MAN2B1: variants seen among roughly 807,000 people sequenced by gnomAD.
The protein encoded by MAN2B1 is lysosomal alpha-mannosidase.
A neutral mutation model predicts 127.5 loss-of-function variants in MAN2B1; 99 were observed. That is an observed-to-expected ratio of 0.78 (90% CI 0.66 to 0.92). The LOEUF is 0.92. Among genes scored for constraint, MAN2B1 ranks in the 40% least tolerant of loss-of-function variants. MAN2B1 has a pLI of 0.00. For synonymous variants in MAN2B1, 573 were observed against 568.8 expected, an observed-to-expected ratio of 1.01 and a Z score of -0.11; for missense variants, 1,304 against 1,384.8, an observed-to-expected ratio of 0.94 and a Z score of 0.93.
In MAN2B1 at chr19:12,649,966, C is replaced by T. The variant is rs765753479; in HGVS notation, c.2214G>A (p.Glu738=). 1 of 1,613,902 alleles carries T rather than the reference C, an allele frequency of 6.2e-7. No homozygotes were observed. Among genetic ancestry groups the T allele is most frequent in the Admixed American group, 1.7e-5 (1 of 59,966 alleles). ...TGTCTGTGTAGAAGCGTCCCTTTGT[C>T]TCCAGCGGTGTGTCAAAACGGCTGA... is the stretch of plus-strand genomic sequence containing the variant. The part of the protein sequence containing the change: ...EVISRFDTPL[E]TKGRFYTDSN... The change falls in exon 18 of 24, where the codon GAG becomes GAA. Residue 738 remains glutamate (E), a synonymous_variant. Coordinates refer to ENST00000456935, the MANE Select transcript of MAN2B1 (RefSeq NM_000528.4).
Position 12,647,690 on chromosome 19 carries a change from T to C in MAN2B1, c.2665-92A>G. 9.3e-7 allele frequency: 1 copy of C among 1,079,996 alleles called. No individual in the cohort carries two copies. Among genetic ancestry groups the C allele is most frequent in the South Asian group, 1.5e-5 (1 of 67,268 alleles). 66.9% of individuals were successfully genotyped at this position (1,079,996 alleles called of 1,614,324 possible). ...GCCAGGTCAGGAGGCAGGGCTAGGTTGTAGGGGCGGGGTTTCGCCGGAGAG... is the reference window on the plus strand; with the variant it reads ...GCCAGGTCAGGAGGCAGGGCTAGGTCGTAGGGGCGGGGTTTCGCCGGAGAG... On this transcript the variant is annotated intron_variant, in intron 21 of 23. Transcript: ENST00000456935. This position sits in a 1 kb window ranked among gnomAD's most constrained non-coding sequence, Gnocchi z 4.9.
intron 7 of MAN2B1, among the ~76,000 whole-genome samples, chr19:12,660,273 A>G (rs555115564): frequency 1.3e-5 from 2 of 152,308 alleles, no homozygotes; most frequent in South Asian, 4.1e-4. Flanking sequence ...TGGGAGGCCG[A>G]GCGGGGTGGA....
rs1280928119 is a variant in MAN2B1, at chr19:12,664,912, G to A, written c.510C>T (p.Asp170=). The change falls in exon 4 of 24, where the codon GAC becomes GAT. Residue 170 remains aspartate, a synonymous_variant. Transcript: ENST00000456935. ...GAAAGCGCAGCCCAAGTGTCATCTG[G>A]TCCACGATGGCACCGTAGTGGGTGG... The part of the protein sequence containing the change: ...EAATHYGAIV[D]QMTLGLRFLE... 3.1e-6 allele frequency: 5 copies of A among 1,614,086 alleles called. No individual in the cohort carries two copies. Among genetic ancestry groups the A allele is most frequent in the Non-Finnish European group, 4.2e-6 (5 of 1,180,044 alleles).
chr19:12,647,232 C>T lies in MAN2B1; in HGVS notation c.2923+1G>A, dbSNP rs2023709101. 6.2e-7 allele frequency: 1 copy of T among 1,613,248 alleles called. No homozygotes were observed. Among genetic ancestry groups the T allele is most frequent in the South Asian group, 1.1e-5 (1 of 91,054 alleles). On this transcript the variant is annotated splice_donor_variant, in intron 23 of 23. Coordinates refer to ENST00000456935, the MANE Select transcript of MAN2B1 (RefSeq NM_000528.4). LOFTEE classifies it high-confidence loss of function. This position sits in a 1 kb window ranked among gnomAD's most constrained non-coding sequence, Gnocchi z 4.9. ...TTCCCTACCCCTGACCAGGGCCCCA[C>T]CTGTGTTTGTTGTCCACTTGAGCCT...
In MAN2B1 at chr19:12,666,702, G is replaced by C; in HGVS notation, c.-1C>G. The C allele has an allele frequency of 6.5e-7, 1 of 1,548,690 alleles. No homozygotes were observed. Among genetic ancestry groups the C allele is most frequent in the South Asian group, 1.2e-5 (1 of 84,064 alleles). On this transcript the variant is annotated 5_prime_UTR_variant, in exon 1 of 24. Transcript: ENST00000456935. ...CCGAAGCCCGCGCGTAGGCGCCCAT[G>C]GCTCAGCAGCTTCCTCCTGGGGTTC...
At chr19:12,656,530 G>T (rs546157414) in intron 13 of MAN2B1, 41 bp downstream of exon 13, 5 of 1,416,384 alleles carry the variant, frequency 3.5e-6, no homozygotes, top group South Asian at 1.1e-5. Context: ...GCCCACTGGG[G>T]GAGGAGTCCC....
intron 9 of MAN2B1, 33 bp downstream of exon 9, chr19:12,658,191 C>A (rs1242044038): frequency 6.2e-7 from 1 of 1,613,798 alleles, no homozygotes; most frequent in Non-Finnish European, 8.5e-7. Flanking sequence ...GGCCTCGGGG[C>A]TGCATGCCCC....
rs1318041798 is a variant in MAN2B1, at chr19:12,650,096, C to T, written c.2165+8G>A. The T allele has an allele frequency of 3.7e-6, 6 of 1,611,950 alleles. No individual in the cohort carries two copies. The East Asian group carries it at 1.1e-4, about 30-fold the overall frequency. On this transcript the variant is annotated splice_region_variant and intron_variant, in intron 17 of 23. Transcript: ENST00000456935. Reference sequence around the variant, plus strand: ...TTCCACACCCCTCTCCCAGCCTGTGCCACTCACCCCACAGGTATCGGCCCC... The same window carrying T: ...TTCCACACCCCTCTCCCAGCCTGTGTCACTCACCCCACAGGTATCGGCCCC...
intron 14 of MAN2B1, 124 bp from the exon 15 acceptor site, chr19:12,652,584 T>A: frequency 1.4e-6 from 1 of 732,430 alleles, no homozygotes; most frequent in Non-Finnish European, 2.3e-6. Flanking sequence ...CAGGCTAGAG[T>A]ACAGTGGTGC....
rs184101634 is a variant in MAN2B1, at chr19:12,651,222, G to A, written c.2046+931C>T. 1.0e-3 allele frequency among the ~76,000 whole-genome samples: 152 copies of A among 152,280 alleles called. 1 individual carries two copies. The highest frequency in any genetic ancestry group is 3.5e-3 in the African/African-American group (145 of 41,544). ...TTGGCACATGGCTACCTGGGATAAA[G>A]ACTATATTGTCCAGTCTTCCCTGAG... On this transcript the variant is annotated intron_variant, in intron 16 of 23. Transcript: ENST00000456935.
rs556554403 is a variant in MAN2B1, at chr19:12,648,181, G to C, written c.2658C>G (p.Arg886=). 26 of 1,537,458 alleles carry C rather than the reference G, an allele frequency of 1.7e-5. No homozygotes were observed. The African/African-American group carries it at 3.4e-4, about 20-fold the overall frequency. The change falls in exon 21 of 24, where the codon CGC becomes CGG. Residue 886 remains arginine (R), a synonymous_variant. Transcript: ENST00000456935. ...GAAYNLGAPP[R]TQFSGLRRDL... ...CTACCCCGCTGCCCCTCACCTGCGT[G>C]CGCGGAGGAGCCCCGAGATTGTAGG...
rs1458969193 is a variant in MAN2B1 at position 12,665,753 on chromosome 19, G to A, written c.212C>T (p.Thr71Ile). 6.2e-7 allele frequency: 1 copy of A among 1,614,056 alleles called. No individual in the cohort carries two copies. Among genetic ancestry groups the A allele is most frequent in the African/African-American group, 1.3e-5 (1 of 74,922 alleles). ...NMLNVHLLPH[T>I]HDDVGWLKTV... is the part of the protein sequence containing the mutation. ...TTTGAGCCAGCCCACGTCATCATGTGTGTGAGGCAGCAGGTGCACGTTCAG... is the reference window on the plus strand; with the variant it reads ...TTTGAGCCAGCCCACGTCATCATGTATGTGAGGCAGCAGGTGCACGTTCAG... Residue 71 changes from threonine to isoleucine, a missense_variant, in exon 2 of 24, where the codon ACA becomes ATA. Coordinates refer to ENST00000456935, the MANE Select transcript of MAN2B1 (RefSeq NM_000528.4).
rs1295627470 is a variant in MAN2B1 at position 12,666,710 on chromosome 19, A to T, written c.-9T>A. ...CGCGCGTAGGCGCCCATGGCTCAGCAGCTTCCTCCTGGGGTTCCCCGGCCC... is the reference window on the plus strand; with the variant it reads ...CGCGCGTAGGCGCCCATGGCTCAGCTGCTTCCTCCTGGGGTTCCCCGGCCC... On this transcript the variant is annotated 5_prime_UTR_variant, in exon 1 of 24. Transcript: ENST00000456935. 6.5e-7 allele frequency: 1 copy of T among 1,547,846 alleles called. No individual in the cohort carries two copies.
intron 7 of MAN2B1, among the ~76,000 whole-genome samples, chr19:12,660,374 C>T (rs920836586): frequency 2.8e-4 from 42 of 151,944 alleles, no homozygotes; most frequent in African/African-American, 8.0e-4. Flanking sequence ...TGGTGGCACG[C>T]GACTGTAGTC....
chr19:12,655,775 C>T lies in MAN2B1; in HGVS notation c.1749G>A (p.Val583=). The T allele has an allele frequency of 6.2e-7, 1 of 1,609,306 alleles. No homozygotes were observed. The highest frequency in any genetic ancestry group is 1.1e-5 in the South Asian group (1 of 90,914). Reference sequence around the variant, plus strand: ...CGCGGGCCTGGGGCTTCCAGCGAGGCACCTGGGCTACTGAATAGGTGCTGA... The same window carrying T: ...CGCGGGCCTGGGGCTTCCAGCGAGGTACCTGGGCTACTGAATAGGTGCTGA... ...LGFSTYSVAQ[V]PRWKPQARAP... is the part of the protein sequence containing the mutation. The change falls in exon 14 of 24, where the codon GTG becomes GTA. Residue 583 remains valine, a synonymous_variant. Coordinates refer to ENST00000456935, the MANE Select transcript of MAN2B1 (RefSeq NM_000528.4).
rs747845335 is a variant in MAN2B1, at chr19:12,663,716, C to T, written c.750G>A (p.Ala250=). The part of the protein sequence containing the change: ...RASTSLKPPT[A]DLFTGVLPNG... ...CAAGCCCCCTACCAGTGAAGAGGTCCGCGGTCGGGGGCTTCAGGCTGGTGC... is the reference window on the plus strand; with the variant it reads ...CAAGCCCCCTACCAGTGAAGAGGTCTGCGGTCGGGGGCTTCAGGCTGGTGC... The change falls in exon 5 of 24, where the codon GCG becomes GCA. Residue 250 remains alanine, a synonymous_variant. Coordinates refer to ENST00000456935, the MANE Select transcript of MAN2B1 (RefSeq NM_000528.4). 11 of 1,611,660 alleles carry T rather than the reference C, an allele frequency of 6.8e-6. No homozygotes were observed. Among genetic ancestry groups the T allele is most frequent in the South Asian group, 2.2e-5 (2 of 90,888 alleles).
chr19:12,661,327 A>G lies in MAN2B1; in HGVS notation c.959T>C (p.Phe320Ser), dbSNP rs2024098992. The change falls in exon 7 of 24, where the codon TTC becomes TCC. Residue 320 changes from phenylalanine to serine, a missense_variant. Coordinates refer to ENST00000456935, the MANE Select transcript of MAN2B1 (RefSeq NM_000528.4). Reference protein sequence around the residue: ...NHTVMTMGSDFQYENANMWFK... With the variant: ...NHTVMTMGSDSQYENANMWFK... The stretch of plus-strand genomic sequence containing the variant: ...CCACATGTTGGCATTCTCATATTGG[A>G]AGTCCGAGCCCATGGTCATCACAGT... The G allele has an allele frequency of 6.2e-7, 1 of 1,613,912 alleles. No individual in the cohort carries two copies. Among genetic ancestry groups the G allele is most frequent in the African/African-American group, 1.3e-5 (1 of 74,920 alleles).
Position 12,665,091 on chromosome 19 carries a change from G to T in MAN2B1, c.437-106C>A, listed in dbSNP as rs556689288. The T allele has an allele frequency of 2.9e-5, 34 of 1,192,724 alleles. 1 individual carries two copies. In the Middle Eastern group the frequency reaches 9.0e-4, roughly 32 times the overall value. 73.9% of individuals were successfully genotyped at this position (1,192,724 alleles called of 1,614,324 possible). ...GCCTGCCTGTGTACACATTTCTGGC[G>T]GAAGGACAAGAGGGGTCGCTCCCAG... is the stretch of plus-strand genomic sequence containing the variant. On this transcript the variant is annotated intron_variant, in intron 3 of 23. Coordinates refer to ENST00000456935, the MANE Select transcript of MAN2B1 (RefSeq NM_000528.4).
rs756124107 is a variant in MAN2B1, at chr19:12,658,320, G to C, written c.1134C>G (p.Phe378Leu). ...LTWSVKHDDF[F>L]PYADGPHQFW... The stretch of plus-strand genomic sequence containing the variant: ...ACTGGTGGGGGCCATCCGCGTAAGG[G>C]AAGAAGTCGTCATGTTTCACTGACC... The change falls in exon 9 of 24, where the codon TTC (phenylalanine) becomes TTG (leucine). Residue 378 changes from phenylalanine (F) to leucine (L), a missense_variant. Physicochemically the swap from Phe to Leu is conservative, Grantham distance 22. Coordinates refer to ENST00000456935, the MANE Select transcript of MAN2B1 (RefSeq NM_000528.4). The C allele has an allele frequency of 6.2e-7, 1 of 1,614,232 alleles. No homozygotes were observed. Among genetic ancestry groups the C allele is most frequent in the South Asian group, 1.1e-5 (1 of 91,090 alleles).
Sources: allele counts gnomAD v4.1 joint callset (sites outside exome capture counted in the v4.1 genomes callset), GRCh38; gene constraint gnomAD v4.1.1; non-coding constraint Gnocchi (gnomAD v3.1); transcripts MANE v1.5; gene names NCBI Gene and HGNC (gene_info 2026-07-23, HGNC 2026-07-21).